Variants in FCAMR observed in about 807,000 individuals in gnomAD.
The protein encoded by FCAMR is Fc alpha and mu receptor, also known as high affinity immunoglobulin alpha and immunoglobulin mu Fc receptor.
FCAMR carries 51 observed loss-of-function variants against 52.2 expected under a neutral mutation model. The observed-to-expected ratio is 0.98, with a 90% CI of 0.78 to 1.23. FCAMR has a LOEUF of 1.23. Among genes scored for constraint, FCAMR ranks in the 50% most tolerant of loss-of-function variants. The pLI is 0.00. For synonymous variants in FCAMR, 282 were observed against 262.0 expected (o/e 1.08, Z -0.74); for missense variants, 719 against 712.6 (o/e 1.01, Z -0.10).
Position 206,962,457 on chromosome 1 carries a change from C to T in FCAMR, c.408G>A (p.Arg136=). ...GACGGCACCAGTACTTCCTCTGGTG[C>T]CTGTTGACAGATGAGGGGGCATAAT... ...QCHYAPSSVN[R]HQRKYWCRLG... is the part of the protein sequence containing the mutation. Residue 136 remains arginine, a synonymous_variant, in exon 5 of 8, where the codon AGG becomes AGA. Transcript: ENST00000324852. 6.2e-7 allele frequency: 1 copy of T among 1,613,726 alleles called. No individual in the cohort carries two copies. The highest frequency in any genetic ancestry group is 8.5e-7 in the Non-Finnish European group (1 of 1,179,724).
At chr1:206,963,892 G>A (rs1482815656) in intron 4 of FCAMR, among the ~76,000 whole-genome samples, 1 of 152,126 alleles carries the variant, frequency 6.6e-6, no homozygotes, top group Non-Finnish European at 1.5e-5. Context: ...GCCATTAGTG[G>A]CCACCACCCA....
chr1:206,966,380 A>AT (rs1680707968), intron 3 of FCAMR, among the ~76,000 whole-genome samples: 2 of 151,970 alleles, frequency 1.3e-5, no homozygotes, highest in South Asian at 2.1e-4. Context: ...TATTGGCTAC[A>AT]TTTTTTGTTT....
chr1:206,969,378 C>T (rs563825632), intron 1 of FCAMR: 40 of 442,640 alleles, frequency 9.0e-5, no homozygotes, highest in African/African-American at 4.8e-4. Context: ...TAATACTCAA[C>T]GGAATGTCTC....
At chr1:206,963,265 A>C (rs1157914515) in intron 4 of FCAMR, among the ~76,000 whole-genome samples, 2 of 152,156 alleles carry the variant, frequency 1.3e-5, no homozygotes, top group African/African-American at 4.8e-5. Context: ...CCACCATATA[A>C]GCACAGATGA....
intron 3 of FCAMR, 49 bp downstream of exon 3, chr1:206,967,003 T>G (rs746528416): frequency 1.6e-5 from 26 of 1,600,300 alleles, no homozygotes; most frequent in Middle Eastern, 1.9e-4. Flanking sequence ...CCTGGAAGAC[T>G]CAGGTCTGGT....
chr1:206,962,569 A>T lies in FCAMR; in HGVS notation c.314-18T>A. 3 of 1,507,636 alleles carry T rather than the reference A, an allele frequency of 2.0e-6. No individual in the cohort carries two copies. Among genetic ancestry groups the T allele is most frequent in the Admixed American group, 2.1e-5 (1 of 46,514 alleles). 93.4% of individuals were successfully genotyped at this position (1,507,636 alleles called of 1,614,324 possible). A position where few individuals can be genotyped will look rare whatever the true frequency, so the allele number is the denominator to read the frequency against. ...ATTTGGAGCTGCAGACAGAGAAGGA[A>T]GTCAAAGGAGAGGAAGTGGTGAGCA... On this transcript the variant is annotated intron_variant, in intron 4 of 7. Coordinates refer to ENST00000324852, the MANE Select transcript of FCAMR (RefSeq NM_001170631.2).
intron 1 of FCAMR, chr1:206,969,118 C>A (rs567900498): frequency 5.9e-5 from 18 of 306,758 alleles, no homozygotes; most frequent in Non-Finnish European, 7.2e-5. Flanking sequence ...TAATATTCAC[C>A]AAGTCCTGGC....
At position 206,967,236 on chromosome 1, in the gene FCAMR, A is replaced by G. The variant is rs374965100; in HGVS notation, c.109-124T>C. On this transcript the variant is annotated intron_variant, in intron 2 of 7. Coordinates refer to ENST00000324852, the MANE Select transcript of FCAMR (RefSeq NM_001170631.2). ...TTGCTCAGTGCAGGGGCTGGGTTGC[A>G]GATATCTGAGAGTAAGACAAGCACT... is the stretch of plus-strand genomic sequence containing the variant. 4.5e-6 allele frequency: 4 copies of G among 890,106 alleles called. No homozygotes were observed. In the African/African-American group the frequency reaches 5.0e-5, roughly 11 times the overall value. 55.1% of individuals were successfully genotyped at this position (890,106 alleles called of 1,614,324 possible). A position where few individuals can be genotyped will look rare whatever the true frequency, so the allele number is the denominator to read the frequency against.
chr1:206,958,865 G>T, intron 7 of FCAMR, 189 bp from the exon 8 acceptor site: 1 of 714,494 alleles, frequency 1.4e-6, no homozygotes, highest in Non-Finnish European at 2.5e-6. Context: ...CTGGGTCTGA[G>T]AACCTTAGCC....
intron 4 of FCAMR, among the ~76,000 whole-genome samples, chr1:206,964,154 C>G (rs1391458703): frequency 5.3e-5 from 8 of 152,208 alleles, no homozygotes; most frequent in Admixed American, 2.6e-4. Context: ...AGGGACATCT[C>G]TCCGACAAAG....
At position 206,965,837 on chromosome 1, in the gene FCAMR, T is replaced by C; in HGVS notation, c.191A>G (p.Gln64Arg). ...LLQGSSFALP[Q>R]KRPHPRWLWE... is the part of the protein sequence containing the mutation. ...CAGCCATCTCGGATGGGGTCTTTTT[T>C]GTGGAAGGGCGAAAGAAGAACCTGC... The change falls in exon 4 of 8, where the codon CAA (glutamine) becomes CGA (arginine). Residue 64 changes from glutamine to arginine, a missense_variant. Physicochemically the swap from Gln to Arg is conservative, Grantham distance 43. Transcript: ENST00000324852. The C allele has an allele frequency of 6.2e-7, 1 of 1,606,188 alleles. No individual in the cohort carries two copies. The highest frequency in any genetic ancestry group is 1.1e-5 in the South Asian group (1 of 89,920).
At chr1:206,959,830 G>C (rs1680428503) in intron 6 of FCAMR, 33 bp from the exon 7 acceptor site, 1 of 1,530,008 alleles carries the variant, frequency 6.5e-7, no homozygotes, top group African/African-American at 1.4e-5. Flanking sequence ...ACAGGGGAGA[G>C]GAGGTTGGAG....
intron 4 of FCAMR, among the ~76,000 whole-genome samples, chr1:206,964,113 C>A (rs1396709530): frequency 6.6e-6 from 1 of 152,228 alleles, no homozygotes; most frequent in African/African-American, 2.4e-5. Context: ...TGTCTCCTGT[C>A]CCCTGGGACA....
intron 6 of FCAMR, 92 bp downstream of exon 6, chr1:206,960,330 G>A: frequency 3.1e-6 from 4 of 1,283,684 alleles, no homozygotes; most frequent in Non-Finnish European, 4.2e-6. Flanking sequence ...TACAAAGGGA[G>A]AGAAGTGAGC....
intron 7 of FCAMR, among the ~76,000 whole-genome samples, 192 bp downstream of exon 7, chr1:206,959,487 A>G (rs573591335): frequency 8.4e-4 from 127 of 151,592 alleles, no homozygotes; most frequent in African/African-American, 2.8e-3. Flanking sequence ...AAAAAAAAAA[A>G]AAAAGAAAAG....
intron 6 of FCAMR, 199 bp downstream of exon 6, chr1:206,960,223 C>T: frequency 1.7e-6 from 1 of 581,000 alleles, no homozygotes; most frequent in South Asian, 2.7e-5. Flanking sequence ...ATTTAGATAT[C>T]ACTTGAAAAC....
chr1:206,961,169 C>T lies in FCAMR; in HGVS notation c.707G>A (p.Arg236Lys), dbSNP rs200011175. Reference protein sequence around the residue: ...ATPAAGELTMRSYGTASPVAN... With the variant: ...ATPAAGELTMKSYGTASPVAN... ...CACTGGAGACGCTGTTCCATAGGAT[C>T]TCATGGTGAGCTCCCCAGCAGCTGG... is the stretch of plus-strand genomic sequence containing the variant. The change falls in exon 6 of 8, where the codon AGA (arginine) becomes AAA (lysine). Residue 236 changes from arginine to lysine, a missense_variant. Transcript: ENST00000324852. 7.7e-6 allele frequency: 12 copies of T among 1,551,452 alleles called. No homozygotes were observed. The highest frequency in any genetic ancestry group is 9.6e-6 in the Non-Finnish European group (11 of 1,146,948).
At chr1:206,966,742 C>CT (rs1019138026) in intron 3 of FCAMR, among the ~76,000 whole-genome samples, 11 of 152,210 alleles carry the variant, frequency 7.2e-5, no homozygotes, top group Admixed American at 5.9e-4. Context: ...GTTGTTAATC[C>CT]TTTTTTTGGT....
rs185655202 is a variant in FCAMR at position 206,962,541 on chromosome 1, T to C, written c.324A>G (p.Ser108=). The C allele has an allele frequency of 3.1e-3, 4,763 of 1,558,188 alleles. 7 individuals are homozygous for C. Among genetic ancestry groups the C allele is most frequent in the Middle Eastern group, 5.0e-3 (29 of 5,822 alleles). The change falls in exon 5 of 8, where the codon TCA becomes TCG. Residue 108 remains serine (S), a synonymous_variant. Transcript: ENST00000324852. ...CTGACACCAGCCTTGAGCCCTTCAA[T>C]GAATTTGGAGCTGCAGACAGAGAAG... The part of the protein sequence containing the change: ...REESSFAAPN[S]LKGSRLVSGE...
Sources: gnomAD v4.1 joint callset for allele counts (sites outside exome capture counted in the v4.1 genomes callset) on GRCh38, gnomAD v4.1.1 for gene constraint, MANE v1.5 for transcripts, NCBI Gene and HGNC (gene_info 2026-07-23, HGNC 2026-07-21) for gene names.